ATF7IP2: variants seen among roughly 807,000 people sequenced by gnomAD.
The protein encoded by ATF7IP2 is activating transcription factor 7 interacting protein 2.
A neutral mutation model predicts 64.2 loss-of-function variants in ATF7IP2; 42 were observed. The observed-to-expected ratio is 0.65, with a 90% CI of 0.51 to 0.85. The LOEUF (loss-of-function observed/expected upper bound fraction) is 0.85, where lower values mean the gene tolerates loss of function less well. Among genes scored for constraint, ATF7IP2 ranks in the 40% least tolerant of loss-of-function variants. The probability of loss-of-function intolerance (pLI) is 0.00; values close to 1 mark genes in which losing one functional copy is unlikely to be tolerated. For synonymous variants in ATF7IP2, 308 were observed against 272.8 expected, an observed-to-expected ratio of 1.13 and a Z score of -1.27; for missense variants, 933 against 784.2, an observed-to-expected ratio of 1.19 and a Z score of -2.27.
chr16:10,427,083 GC>G, intron 3 of ATF7IP2, among the ~76,000 whole-genome samples: 1 of 152,234 alleles, frequency 6.6e-6, no homozygotes, highest in South Asian at 2.1e-4. Context: ...CGAACTCCTG[GC>G]CTCAGGTGAT....
chr16:10,468,010 G>A (rs2049645094), intron 9 of ATF7IP2, among the ~76,000 whole-genome samples: 1 of 151,178 alleles, frequency 6.6e-6, no homozygotes, highest in Non-Finnish European at 1.5e-5. Context: ...CTCCCGAGTA[G>A]CTGGGATTAA....
At chr16:10,425,580 A>T (rs1292126427) in intron 3 of ATF7IP2, among the ~76,000 whole-genome samples, 1 of 152,174 alleles carries the variant, frequency 6.6e-6, no homozygotes, top group Non-Finnish European at 1.5e-5. Context: ...GTATTACAGG[A>T]AACATAAATT....
intron 8 of ATF7IP2, among the ~76,000 whole-genome samples, chr16:10,444,606 G>T (rs2048741218): frequency 6.6e-6 from 1 of 152,296 alleles, no homozygotes; most frequent in African/African-American, 2.4e-5. Flanking sequence ...GTCTTTTTGA[G>T]GGGCAGTTTG....
intron 1 of ATF7IP2, among the ~76,000 whole-genome samples, chr16:10,389,710 T>C (rs1430256781): frequency 6.6e-6 from 1 of 152,212 alleles, no homozygotes; most frequent in African/African-American, 2.4e-5. Flanking sequence ...TATTCGGGAG[T>C]GCTGGCAAGC....
intron 8 of ATF7IP2, chr16:10,447,298 GGTTT>G (rs2048841521): frequency 6.6e-6 from 1 of 152,206 alleles, no homozygotes; most frequent in African/African-American, 2.4e-5. Flanking sequence ...TGAGATTCCA[GGTTT>G]ATTTGTCACA....
At chr16:10,410,421 T>G (rs1315460112) in intron 1 of ATF7IP2, among the ~76,000 whole-genome samples, 1 of 152,198 alleles carries the variant, frequency 6.6e-6, no homozygotes, top group Non-Finnish European at 1.5e-5. Context: ...TTCTGGACGT[T>G]TCTCAGCTTG....
chr16:10,455,093 A>G lies in ATF7IP2; in HGVS notation c.1195-2279A>G, dbSNP rs561175099. Among the ~76,000 whole-genome samples the G allele has an allele frequency of 3.3e-5, 5 of 152,298 alleles. No homozygotes were observed. The South Asian group carries it at 6.2e-4, about 19-fold the overall frequency. ...GTTGATAGTGTTTTTTCGACCTTCTACAGCTATGGTAGATGGAAAAAATGG... is the reference window on the plus strand; with the variant it reads ...GTTGATAGTGTTTTTTCGACCTTCTGCAGCTATGGTAGATGGAAAAAATGG... On this transcript the variant is annotated intron_variant, in intron 8 of 13. Transcript: ENST00000562102.
chr16:10,458,780 C>CT (rs2142015810), intron 9 of ATF7IP2, among the ~76,000 whole-genome samples: 1 of 152,308 alleles, frequency 6.6e-6, no homozygotes, highest in African/African-American at 2.4e-5. Context: ...TTACAGCCTG[C>CT]TTTAAACCAC....
chr16:10,421,204 C>G (rs563595178), intron 3 of ATF7IP2, among the ~76,000 whole-genome samples: 4 of 151,960 alleles, frequency 2.6e-5, no homozygotes, highest in Non-Finnish European at 5.9e-5. Context: ...AGTTAGAGTC[C>G]GTGAATTAGT....
At chr16:10,475,143 G>T (rs13336386) in intron 12 of ATF7IP2, among the ~76,000 whole-genome samples, 1 of 123,210 alleles carries the variant, frequency 8.1e-6, no homozygotes, top group Admixed American at 8.3e-5. Flanking sequence ...CAGATGGAAA[G>T]TAGATCTACA....
intron 1 of ATF7IP2, among the ~76,000 whole-genome samples, chr16:10,396,827 A>AT (rs1162194550): frequency 3.5e-5 from 5 of 142,732 alleles, no homozygotes; most frequent in South Asian, 4.6e-4. Context: ...TTAAAAAAAA[A>AT]ATTTTTTTTT....
Position 10,471,562 on chromosome 16 carries a change from G to T in ATF7IP2, c.1353-548G>T, listed in dbSNP as rs529106581. ...AAAAAGTCGCTCATAAAAAAAAAGG[G>T]TCAAAATGGCTTGAAATATTCTATA... On this transcript the variant is annotated intron_variant, in intron 9 of 13. Coordinates refer to ENST00000562102, the MANE Select transcript of ATF7IP2 (RefSeq NM_001393719.1). Among the ~76,000 whole-genome samples, 18 of 151,960 alleles carry T rather than the reference G, an allele frequency of 1.2e-4. No homozygotes were observed. The South Asian group carries it at 3.3e-3, about 28-fold the overall frequency.
rs748369873 is a variant in ATF7IP2, at chr16:10,431,342, C to G, written c.722C>G (p.Ser241Cys). 32 of 1,614,176 alleles carry G rather than the reference C, an allele frequency of 2.0e-5. No homozygotes were observed. The highest frequency in any genetic ancestry group is 2.6e-5 in the Non-Finnish European group (31 of 1,180,012). ...CCTAATTTGGTGAATTCAGTCACTT[C>G]TAACAACTGTGCTGATGACATTTTG... ...KTPNLVNSVT[S>C]NNCADDILKT... is the part of the protein sequence containing the mutation. Residue 241 changes from serine (S) to cysteine (C), a missense_variant, in exon 5 of 14, where the codon TCT becomes TGT. Ser to Cys is a moderately radical substitution (Grantham distance 112). Transcript: ENST00000562102.
At chr16:10,388,781 C>G (rs1446896356) in intron 1 of ATF7IP2, among the ~76,000 whole-genome samples, 1 of 152,128 alleles carries the variant, frequency 6.6e-6, no homozygotes, top group Non-Finnish European at 1.5e-5. Context: ...GAGGCTGAGG[C>G]AGGTGGATCA....
chr16:10,467,804 C>T (rs758942158), intron 9 of ATF7IP2, among the ~76,000 whole-genome samples: 8 of 151,720 alleles, frequency 5.3e-5, no homozygotes, highest in African/African-American at 1.5e-4. Context: ...CCACCCGCCT[C>T]GGCCCCACAA....
chr16:10,463,884 C>A (rs2049459574), intron 9 of ATF7IP2, among the ~76,000 whole-genome samples: 1 of 152,186 alleles, frequency 6.6e-6, no homozygotes. Context: ...TGTGTTACAG[C>A]CCTCTTGCCT....
intron 1 of ATF7IP2, among the ~76,000 whole-genome samples, chr16:10,390,405 A>G (rs1410240273): frequency 6.6e-6 from 1 of 152,256 alleles, no homozygotes; most frequent in East Asian, 1.9e-4. Context: ...ATATCAAATT[A>G]TAAGGTAGAG....
intron 6 of ATF7IP2, among the ~76,000 whole-genome samples, chr16:10,437,655 C>T (rs2048466925): frequency 6.6e-6 from 1 of 152,192 alleles, no homozygotes; most frequent in Non-Finnish European, 1.5e-5. Context: ...TCAAGTCTCA[C>T]ACTTGTGTAA....
chr16:10,428,489 T>G (rs1483206902), intron 3 of ATF7IP2, among the ~76,000 whole-genome samples: 1 of 152,200 alleles, frequency 6.6e-6, no homozygotes, highest in Non-Finnish European at 1.5e-5. Context: ...TCACCTTGAT[T>G]TCTTCTTTGT....
Sources: gnomAD v4.1 joint callset for allele counts (sites outside exome capture counted in the v4.1 genomes callset) on GRCh38, gnomAD v4.1.1 for gene constraint, MANE v1.5 for transcripts, NCBI Gene and HGNC (gene_info 2026-07-23, HGNC 2026-07-21) for gene names.